Variants in ZKSCAN8 observed in about 807,000 individuals in gnomAD.
ZKSCAN8 encodes the protein zinc finger with KRAB and SCAN domains 8, also known as zinc finger protein with KRAB and SCAN domains 8.
ZKSCAN8 carries 27 observed loss-of-function variants against 57.2 expected under a neutral mutation model. That is an observed-to-expected ratio of 0.47 (90% CI 0.35 to 0.65). The LOEUF (loss-of-function observed/expected upper bound fraction) is 0.65. Among genes scored for constraint, ZKSCAN8 ranks in the 30% least tolerant of loss-of-function variants. The pLI is 0.01. For synonymous variants in ZKSCAN8, 214 were observed against 248.7 expected (o/e 0.86, Z 1.31); for missense variants, 597 against 696.3 (o/e 0.86, Z 1.60).
chr6:28,145,326 G>A (rs1765356478), intron 1 of ZKSCAN8, among the ~76,000 whole-genome samples: 2 of 152,168 alleles, frequency 1.3e-5, no homozygotes, highest in Admixed American at 1.3e-4. Context: ...AAAGAACTCT[G>A]TAGTAGAATG....
intron 1 of ZKSCAN8, among the ~76,000 whole-genome samples, chr6:28,146,817 A>G (rs1455852237): frequency 6.6e-6 from 1 of 152,224 alleles, no homozygotes; most frequent in East Asian, 1.9e-4. Flanking sequence ...ATACATACAT[A>G]TAGTGAACTG....
chr6:28,153,167 G>T lies in ZKSCAN8; in HGVS notation c.887G>T (p.Gly296Val). 6.2e-7 allele frequency: 1 copy of T among 1,614,208 alleles called. No homozygotes were observed. Among genetic ancestry groups the T allele is most frequent in the East Asian group, 2.2e-5 (1 of 44,886 alleles). The change falls in exon 6 of 6, where the codon GGT becomes GTT. Residue 296 changes from glycine (G) to valine (V), a missense_variant. Coordinates refer to ENST00000330236, the MANE Select transcript of ZKSCAN8 (RefSeq NM_006298.4). The part of the protein sequence containing the change: ...AAKCNGDVIR[G>V]LEHEEARDLL... ...AAATGCAACGGGGATGTTATCAGGG[G>T]TCTTGAGCATGAAGAAGCCCGAGAC...
rs1339209783 is a variant in ZKSCAN8, at chr6:28,155,507, T to G, written c.*1490T>G. On this transcript the variant is annotated 3_prime_UTR_variant, in exon 6 of 6. Transcript: ENST00000330236. ...GAAAACCCTCTATTACTCTTACACT[T>G]TAGTTTTACCATTTGAGTAGCCACT... The G allele has an allele frequency of 6.6e-6, 1 of 152,198 alleles. No homozygotes were observed. Among genetic ancestry groups the G allele is most frequent in the Admixed American group, 6.5e-5 (1 of 15,290 alleles). 9.4% of individuals were successfully genotyped at this position (152,198 alleles called of 1,614,324 possible). A position where few individuals can be genotyped will look rare whatever the true frequency, so the allele number is the denominator to read the frequency against.
chr6:28,152,314 TC>T lies in ZKSCAN8; in HGVS notation c.706del (p.Asp237IlefsTer33). The stretch of plus-strand genomic sequence containing the variant: ...TGTCCCTTATTCGAGAGGAGTGGCT[TC>T]TTGATCCATCACAGAAGGATCTGTG... ...AVSLIREEWL[L>X]DPSQKDLCRD... On this transcript the variant is annotated frameshift_variant, in exon 5 of 6. Coordinates refer to ENST00000330236, the MANE Select transcript of ZKSCAN8 (RefSeq NM_006298.4). LOFTEE classifies it high-confidence loss of function. 1 of 1,613,500 alleles carries T rather than the reference TC, an allele frequency of 6.2e-7. No homozygotes were observed. Among genetic ancestry groups the T allele is most frequent in the Non-Finnish European group, 8.5e-7 (1 of 1,179,844 alleles).
chr6:28,149,474 T>TA lies in ZKSCAN8; in HGVS notation c.418-9_418-8insA. The TA allele has an allele frequency of 6.2e-7, 1 of 1,613,238 alleles. No individual in the cohort carries two copies. Among genetic ancestry groups the TA allele is most frequent in the Non-Finnish European group, 8.5e-7 (1 of 1,179,694 alleles). On this transcript the variant is annotated splice_polypyrimidine_tract_variant and intron_variant, in intron 2 of 5. Transcript: ENST00000330236. Reference sequence around the variant, plus strand: ...GATTCCTTATTATCCAACTGTCTGTTGTTTCCAGGTCTCAGCTCGCGTACA... The same window carrying TA: ...GATTCCTTATTATCCAACTGTCTGTTAGTTTCCAGGTCTCAGCTCGCGTACA...
Position 28,153,545 on chromosome 6 carries a change from T to C in ZKSCAN8, c.1265T>C (p.Ile422Thr), listed in dbSNP as rs1008564773. The change falls in exon 6 of 6, where the codon ATT (isoleucine) becomes ACT (threonine). Residue 422 changes from isoleucine to threonine, a missense_variant. Transcript: ENST00000330236. ...GKAFSQSAGL[I>T]LHQRIHSGER... ...GCTTTCAGTCAGAGTGCGGGCCTTA[T>C]TCTGCACCAGAGAATCCACAGTGGA... The C allele has an allele frequency of 6.2e-7, 1 of 1,614,050 alleles. No individual in the cohort carries two copies. The highest frequency in any genetic ancestry group is 1.3e-5 in the African/African-American group (1 of 74,908).
At position 28,149,467 on chromosome 6, in the gene ZKSCAN8, T is replaced by C. The variant is rs1765518822; in HGVS notation, c.418-16T>C. 2 of 1,613,336 alleles carry C rather than the reference T, an allele frequency of 1.2e-6. No individual in the cohort carries two copies. The highest frequency in any genetic ancestry group is 1.1e-5 in the South Asian group (1 of 90,924). On this transcript the variant is annotated splice_polypyrimidine_tract_variant and intron_variant, in intron 2 of 5. Transcript: ENST00000330236. ...GCAAAGGGATTCCTTATTATCCAAC[T>C]GTCTGTTGTTTCCAGGTCTCAGCTC... is the stretch of plus-strand genomic sequence containing the variant.
chr6:28,153,889 C>G lies in ZKSCAN8; in HGVS notation c.1609C>G (p.Leu537Val). 1 of 1,614,142 alleles carries G rather than the reference C, an allele frequency of 6.2e-7. No individual in the cohort carries two copies. The highest frequency in any genetic ancestry group is 1.6e-4 in the Middle Eastern group (1 of 6,062). Residue 537 changes from leucine to valine, a missense_variant, in exon 6 of 6, where the codon CTG (leucine) becomes GTG (valine). Leu to Val is a conservative substitution (Grantham distance 32). Coordinates refer to ENST00000330236, the MANE Select transcript of ZKSCAN8 (RefSeq NM_006298.4). The stretch of plus-strand genomic sequence containing the variant: ...TGGGAACACTGGTCTCATTCAACAC[C>G]TGAGAATTCACACAGGGGAGAAGCC... ...FNGNTGLIQH[L>V]RIHTGEKPYQ...
At position 28,158,596 on chromosome 6, in the gene ZKSCAN8, G is replaced by C. The variant is rs1178211714; in HGVS notation, c.*4579G>C. The C allele has an allele frequency of 1.3e-5, 2 of 152,208 alleles. No homozygotes were observed. Among genetic ancestry groups the C allele is most frequent in the Non-Finnish European group, 2.9e-5 (2 of 68,026 alleles). The allele number at this position is 152,208 out of a possible 1,614,324, so 9.4% of individuals were successfully genotyped here. A position where few individuals can be genotyped will look rare whatever the true frequency, so the allele number is the denominator to read the frequency against. On this transcript the variant is annotated 3_prime_UTR_variant, in exon 6 of 6. Transcript: ENST00000330236. The stretch of plus-strand genomic sequence containing the variant: ...CTCCATTCTCCATGTCCAAAAACTT[G>C]CTGTCAGTCCAGTTTTTAATCAGTT...
In ZKSCAN8 at chr6:28,149,493, G is replaced by T; in HGVS notation, c.428G>T (p.Arg143Leu). Residue 143 changes from arginine (R) to leucine (L), a missense_variant, in exon 3 of 6, where the codon CGC becomes CTC. Physicochemically the swap from Arg to Leu is moderately radical, Grantham distance 102. Coordinates refer to ENST00000330236, the MANE Select transcript of ZKSCAN8 (RefSeq NM_006298.4). ...GTCTGTTGTTTCCAGGTCTCAGCTC[G>T]CGTACATGGACATAGGGTACTCTGG... ...IDILGRPVSA[R>L]VHGHRVLWEE... is the part of the protein sequence containing the mutation. 1 of 1,613,644 alleles carries T rather than the reference G, an allele frequency of 6.2e-7. No homozygotes were observed. Among genetic ancestry groups the T allele is most frequent in the Non-Finnish European group, 8.5e-7 (1 of 1,179,846 alleles).
rs138600718 is a variant in ZKSCAN8, at chr6:28,149,331, T to C, written c.418-152T>C. The stretch of plus-strand genomic sequence containing the variant: ...CCTTTCTTTCTGTGCTCATTACGTA[T>C]TCGTGTTCCTTACTGTCCCTAAGAA... On this transcript the variant is annotated intron_variant, in intron 2 of 5. Coordinates refer to ENST00000330236, the MANE Select transcript of ZKSCAN8 (RefSeq NM_006298.4). 18 of 1,015,668 alleles carry C rather than the reference T, an allele frequency of 1.8e-5. No homozygotes were observed. The African/African-American group carries it at 2.8e-4, about 16-fold the overall frequency. 62.9% of individuals were successfully genotyped at this position (1,015,668 alleles called of 1,614,324 possible).
rs186049948 is a variant in ZKSCAN8 at position 28,156,507 on chromosome 6, C to G, written c.*2490C>G. On this transcript the variant is annotated 3_prime_UTR_variant, in exon 6 of 6. Coordinates refer to ENST00000330236, the MANE Select transcript of ZKSCAN8 (RefSeq NM_006298.4). Reference sequence around the variant, plus strand: ...CTTGAAAGAATTATCAAAGCTGATACAGCACATATACAGAATTAGCCAAAT... The same window carrying G: ...CTTGAAAGAATTATCAAAGCTGATAGAGCACATATACAGAATTAGCCAAAT... The G allele has an allele frequency of 5.5e-5, 16 of 291,942 alleles. No homozygotes were observed. The East Asian group carries it at 8.9e-4, about 16-fold the overall frequency. The allele number at this position is 291,942 out of a possible 1,614,324, so 18.1% of individuals were successfully genotyped here. A position where few individuals can be genotyped will look rare whatever the true frequency, so the allele number is the denominator to read the frequency against.
Position 28,152,382 on chromosome 6 carries a change from T to A in ZKSCAN8, c.773T>A (p.Leu258Gln). 6.2e-7 allele frequency: 1 copy of A among 1,607,258 alleles called. No individual in the cohort carries two copies. The highest frequency in any genetic ancestry group is 8.5e-7 in the Non-Finnish European group (1 of 1,178,106). ...GAAAATTTCAGAAACATGTTCTCCC[T>A]GGGTAAGGAGAGGTGTGGTTATTAT... is the stretch of plus-strand genomic sequence containing the variant. ...RPENFRNMFS[L>Q]GGETRSENRE... The change falls in exon 5 of 6, where the codon CTG becomes CAG. Residue 258 changes from leucine to glutamine, a missense_variant and splice_region_variant. Transcript: ENST00000330236.
chr6:28,144,780 G>C lies in ZKSCAN8; in HGVS notation c.-93+2751G>C, dbSNP rs575535195. On this transcript the variant is annotated intron_variant, in intron 1 of 5. Transcript: ENST00000330236. The surrounding 1 kb of genome is among the most constrained non-coding windows in gnomAD (Gnocchi z 4.5). ...GTTAAGAGTTGAATGATTTTAGGCCGGGCACAGTGGCTTACGCCTGTAATC... is the reference window on the plus strand; with the variant it reads ...GTTAAGAGTTGAATGATTTTAGGCCCGGCACAGTGGCTTACGCCTGTAATC... Among the ~76,000 whole-genome samples, 2 of 152,312 alleles carry C rather than the reference G, an allele frequency of 1.3e-5. No homozygotes were observed. Among genetic ancestry groups the C allele is most frequent in the East Asian group, 3.9e-4 (2 of 5,178 alleles).
At chr6:28,142,058 G>A (rs558310758) in intron 1 of ZKSCAN8, 29 bp downstream of exon 1, 1 of 152,618 alleles carries the variant, frequency 6.6e-6, no homozygotes, top group South Asian at 2.1e-4. Flanking sequence ...TGGGCCGGAG[G>A]AAAGTGGGTG....
intron 2 of ZKSCAN8, among the ~76,000 whole-genome samples, chr6:28,149,246 C>T (rs1195860871): frequency 6.6e-6 from 1 of 152,142 alleles, no homozygotes; most frequent in Non-Finnish European, 1.5e-5. Flanking sequence ...TATTGGTGTT[C>T]TGTGTAACAG....
In ZKSCAN8 at chr6:28,154,154, G is replaced by C; in HGVS notation, c.*137G>C. 1.5e-6 allele frequency: 2 copies of C among 1,329,330 alleles called. No individual in the cohort carries two copies. Among genetic ancestry groups the C allele is most frequent in the South Asian group, 3.1e-5 (2 of 64,278 alleles). 82.3% of individuals were successfully genotyped at this position (1,329,330 alleles called of 1,614,324 possible). ...GAATCTATAGTGGTGGCAAAGTTAG[G>C]ATAGCTCTTTAGTAATTTGGGCCCA... On this transcript the variant is annotated 3_prime_UTR_variant, in exon 6 of 6. Coordinates refer to ENST00000330236, the MANE Select transcript of ZKSCAN8 (RefSeq NM_006298.4).
At position 28,144,002 on chromosome 6, in the gene ZKSCAN8, C is replaced by G. The variant is rs1030289384; in HGVS notation, c.-93+1973C>G. On this transcript the variant is annotated intron_variant, in intron 1 of 5. Transcript: ENST00000330236. The surrounding 1 kb of genome is among the most constrained non-coding windows in gnomAD (Gnocchi z 4.5). ...CAAATCTCACTATTCTAGCAAATTC[C>G]TCCACTTTCCTGTAAAGTCATAATC... Among the ~76,000 whole-genome samples, 1 of 152,156 alleles carries G rather than the reference C, an allele frequency of 6.6e-6. No individual in the cohort carries two copies. Among genetic ancestry groups the G allele is most frequent in the Non-Finnish European group, 1.5e-5 (1 of 68,034 alleles).
rs1323530969 is a variant in ZKSCAN8, at chr6:28,158,817, T to G, written c.*4800T>G. On this transcript the variant is annotated 3_prime_UTR_variant, in exon 6 of 6. Coordinates refer to ENST00000330236, the MANE Select transcript of ZKSCAN8 (RefSeq NM_006298.4). ...CGTATTGTAAAATTTTCATTTTCAG[T>G]AACACCCAGTAGATAATTTTTCAAA... 1 of 152,168 alleles carries G rather than the reference T, an allele frequency of 6.6e-6. No homozygotes were observed. Among genetic ancestry groups the G allele is most frequent in the Non-Finnish European group, 1.5e-5 (1 of 68,028 alleles). The allele number at this position is 152,168 out of a possible 1,614,324, so 9.4% of individuals were successfully genotyped here. A position where few individuals can be genotyped will look rare whatever the true frequency, so the allele number is the denominator to read the frequency against.
Sources: allele counts gnomAD v4.1 joint callset (sites outside exome capture counted in the v4.1 genomes callset), GRCh38; gene constraint gnomAD v4.1.1; non-coding constraint Gnocchi (gnomAD v3.1); transcripts MANE v1.5; gene names NCBI Gene and HGNC (gene_info 2026-07-23, HGNC 2026-07-21).